The following LZTS2 variants were observed in gnomAD, a reference collection of about 807,000 sequenced individuals.
The protein encoded by LZTS2 is leucine zipper putative tumor suppressor 2.
In LZTS2, 32 loss-of-function variants were observed where a neutral mutation model predicts 60.6. The observed-to-expected ratio is 0.53, with a 90% confidence interval of 0.40 to 0.71. The LOEUF (loss-of-function observed/expected upper bound fraction) is 0.71. LZTS2 is among the 30% of genes least tolerant of loss of function. LZTS2 has a pLI of 0.00. For synonymous variants in LZTS2, 360 were observed against 393.1 expected (o/e 0.92, Z 1.00); for missense variants, 792 against 901.9 (o/e 0.88, Z 1.56).
chr10:101,005,153 G>A lies in LZTS2; in HGVS notation c.1069-305G>A, dbSNP rs1852143227. Among the ~76,000 whole-genome samples the A allele has an allele frequency of 2.0e-5, 3 of 152,142 alleles. No individual in the cohort carries two copies. The South Asian group carries it at 6.2e-4, about 31-fold the overall frequency. ...CAAGTAGCTGAGACTACAGGCGCATGCCACCACACCAAGCTAATTTTTGGT... is the reference window on the plus strand; with the variant it reads ...CAAGTAGCTGAGACTACAGGCGCATACCACCACACCAAGCTAATTTTTGGT... On this transcript the variant is annotated intron_variant, in intron 2 of 3. Transcript: ENST00000370220.
At chr10:100,998,899 C>T (rs1207865232), upstream of LZTS2, 1 of 152,512 alleles carries the variant, frequency 6.6e-6, no homozygotes, top group Non-Finnish European at 1.5e-5. Flanking sequence ...AGAAGGAACG[C>T]GGACCCACGT....
chr10:101,006,422 G>A (rs1354026418), intron 3 of LZTS2, 63 bp from the exon 5 acceptor site: 8 of 1,526,794 alleles, frequency 5.2e-6, no homozygotes, highest in East Asian at 2.3e-5. Context: ...AGCATGATGT[G>A]CAGGGCCTGT....
Position 101,006,473 on chromosome 10 carries a change from T to TC in LZTS2, c.1327-9dup, listed in dbSNP as rs1163291640. On this transcript the variant is annotated splice_polypyrimidine_tract_variant and intron_variant, in intron 3 of 3. Coordinates refer to ENST00000370220, the Ensembl canonical transcript of LZTS2. ...TGTCTCACCATCCTTCCCCACTTCC[T>TC]CCCACCCCCAGGTGTGCCAGAAATC... The TC allele has an allele frequency of 6.2e-7, 1 of 1,601,874 alleles. No homozygotes were observed. The highest frequency in any genetic ancestry group is 1.1e-5 in the South Asian group (1 of 89,808).
At chr10:101,006,809 C>G (rs1272311627) in exon 4 of LZTS2, 6 of 1,543,150 alleles carry the variant, frequency 3.9e-6, no homozygotes, top group Admixed American at 1.9e-5. Flanking sequence ...TGACCCATTC[C>G]TCCTGGCAGA....
chr10:100,999,377 C>G (rs1851978861), upstream of LZTS2: 1 of 152,272 alleles, frequency 6.6e-6, no homozygotes, highest in Non-Finnish European at 1.5e-5. Context: ...GGTCCCGGCA[C>G]CGGAGAGTGG....
chr10:101,003,599 T>A (rs2133972999), exon 2 of LZTS2: 1 of 1,592,918 alleles, frequency 6.3e-7, no homozygotes, highest in Middle Eastern at 1.7e-4. Context: ...TCATGGGTCC[T>A]CGGGCCACCG....
At chr10:101,003,466 T>G (rs770109732) in intron 1 of LZTS2, 41 bp from the exon 3 acceptor site, 9 of 1,508,244 alleles carry the variant, frequency 6.0e-6, no homozygotes, top group Non-Finnish European at 8.0e-6. Flanking sequence ...TCTGCAAGAT[T>G]GGGCAGCTCA....
intron 1 of LZTS2, 164 bp downstream of exon 2, chr10:101,003,110 G>T (rs1013614858): frequency 4.4e-6 from 4 of 903,502 alleles, no homozygotes; most frequent in African/African-American, 1.7e-5. Flanking sequence ...CCTCAGGGAA[G>T]TCACTTAACC....
exon 1 of LZTS2, chr10:101,000,513 G>T (rs1054989725): frequency 3.9e-5 from 6 of 152,472 alleles, no homozygotes; most frequent in Non-Finnish European, 8.8e-5. Flanking sequence ...GGGTTGGGGG[G>T]CCCTGGCTCA....
upstream of LZTS2, chr10:100,998,780 A>C (rs931390298): frequency 6.6e-6 from 1 of 152,404 alleles, no homozygotes; most frequent in Non-Finnish European, 1.5e-5. Context: ...GACTAAGTGC[A>C]CTTGAGACTG....
chr10:100,998,842 C>G (rs911846288), upstream of LZTS2: 4 of 152,300 alleles, frequency 2.6e-5, no homozygotes, highest in African/African-American at 7.2e-5. Flanking sequence ...GCCCAACAGG[C>G]CTGTGACACC....
rs1295127736 is a variant in LZTS2 at position 101,005,717 on chromosome 10, T to G, written c.1326+2T>G. On this transcript the variant is annotated splice_donor_variant, in intron 3 of 3. Transcript: ENST00000370220. LOFTEE classifies it high-confidence loss of function. ...AGGCTTGAGGAGACCAAGTGGGAGG[T>G]GGGCCAGACCAGGAGGGGCAGGGAG... 2 of 1,562,628 alleles carry G rather than the reference T, an allele frequency of 1.3e-6. No individual in the cohort carries two copies. Among genetic ancestry groups the G allele is most frequent in the Non-Finnish European group, 1.7e-6 (2 of 1,150,150 alleles).
At chr10:101,006,613 G>C (rs774967090) in exon 4 of LZTS2, 5 of 1,602,568 alleles carry the variant, frequency 3.1e-6, no homozygotes, top group Admixed American at 1.7e-5. Context: ...GTGCTACGCT[G>C]CGGGTCAGTG....
intron 3 of LZTS2, among the ~76,000 whole-genome samples, chr10:101,005,962 C>CT (rs1369268778): frequency 1.3e-5 from 2 of 152,216 alleles, no homozygotes; most frequent in African/African-American, 4.8e-5. Flanking sequence ...AGGCACTATT[C>CT]TAAGCATGTT....
chr10:101,006,860 G>A (rs774581145), exon 4 of LZTS2: 2 of 1,535,778 alleles, frequency 1.3e-6, no homozygotes, highest in Admixed American at 3.9e-5. Flanking sequence ...AGCCGGGGTT[G>A]GGGGCAGCTT....
At chr10:101,007,129 C>T (rs1852236896) in exon 4 of LZTS2, 1 of 1,607,488 alleles carries the variant, frequency 6.2e-7, no homozygotes, top group African/African-American at 1.3e-5. Context: ...AGCAGGCCCC[C>T]TGCATCTGCC....
At chr10:101,006,932 C>A in exon 4 of LZTS2, 1 of 1,536,116 alleles carries the variant, frequency 6.5e-7, no homozygotes, top group South Asian at 1.2e-5. Flanking sequence ...GGGTGAGGAG[C>A]AGCGGGACAG....
chr10:101,002,542 G>A, exon 1 of LZTS2: 5 of 1,512,094 alleles, frequency 3.3e-6, no homozygotes, highest in Non-Finnish European at 3.5e-6. Flanking sequence ...TGCCACCATG[G>A]CCATTGTGCA....
At chr10:101,006,643 A>G (rs753048696) in exon 4 of LZTS2, 3 of 1,589,836 alleles carry the variant, frequency 1.9e-6, no homozygotes, top group African/African-American at 2.7e-5. Context: ...CGCGGGGTCT[A>G]CAGGAGGCCG....
Sources: gnomAD v4.1 joint callset for allele counts (sites outside exome capture counted in the v4.1 genomes callset) on GRCh38, gnomAD v4.1.1 for gene constraint, MANE v1.5 for transcripts, NCBI Gene and HGNC (gene_info 2026-07-23, HGNC 2026-07-21) for gene names.